Variants in TEKT1 observed in about 807,000 individuals in gnomAD.
TEKT1 encodes tektin-1.
In TEKT1, 32 loss-of-function variants were observed where a neutral mutation model predicts 34.8. The observed-to-expected ratio is 0.92, with a 90% CI of 0.69 to 1.23. TEKT1 has a LOEUF of 1.23. TEKT1 is among the 50% of genes most tolerant of loss of function. The pLI is 0.00. For missense variants in TEKT1, 492 were observed against 518.5 expected (o/e 0.95, Z 0.50); for synonymous variants, 207 against 199.8 (o/e 1.04, Z -0.30).
At chr17:6,807,120 T>G (rs1976855749) in intron 6 of TEKT1, among the ~76,000 whole-genome samples, 1 of 152,246 alleles carries the variant, frequency 6.6e-6, no homozygotes, top group Admixed American at 6.5e-5. Flanking sequence ...AGATGTAGAT[T>G]TGGTCTTTTC....
chr17:6,805,334 T>C (rs1425608992), intron 6 of TEKT1, among the ~76,000 whole-genome samples: 1 of 152,104 alleles, frequency 6.6e-6, no homozygotes, highest in East Asian at 1.9e-4. Context: ...TTTTTATTGC[T>C]TCTATTTGAT....
At chr17:6,806,837 G>A (rs1976851493) in intron 6 of TEKT1, among the ~76,000 whole-genome samples, 1 of 152,178 alleles carries the variant, frequency 6.6e-6, no homozygotes, top group Non-Finnish European at 1.5e-5. Context: ...TGAGAGATCA[G>A]CTGTTAGTCT....
intron 3 of TEKT1, among the ~76,000 whole-genome samples, chr17:6,816,645 G>A (rs982331105): frequency 3.9e-5 from 6 of 152,098 alleles, no homozygotes; most frequent in Admixed American, 1.3e-4. Flanking sequence ...TGGACATTTG[G>A]GTTGGTTCCA....
intron 2 of TEKT1, among the ~76,000 whole-genome samples, chr17:6,820,280 C>T (rs1364878237): frequency 6.6e-6 from 1 of 151,832 alleles, no homozygotes; most frequent in Non-Finnish European, 1.5e-5. Context: ...GTTAAAATGG[C>T]ATTTTTGCTT....
chr17:6,819,221 G>T lies in TEKT1; in HGVS notation c.328C>A (p.His110Asn). The stretch of plus-strand genomic sequence containing the variant: ...TATGCCAGGCATGTCTCAGTGATGT[G>T]CAAGGGCTCTTTCAAGGTCTCCAGG... Reference protein sequence around the residue: ...KALETLKEPLHITETCLAYRE... With the variant: ...KALETLKEPLNITETCLAYRE... The change falls in exon 3 of 8, where the codon CAC (histidine) becomes AAC (asparagine). Residue 110 changes from histidine to asparagine, a missense_variant. Transcript: ENST00000338694. 2 of 1,613,850 alleles carry T rather than the reference G, an allele frequency of 1.2e-6. No individual in the cohort carries two copies. The highest frequency in any genetic ancestry group is 1.7e-6 in the Non-Finnish European group (2 of 1,179,890).
At chr17:6,812,090 G>A (rs1186473271) in intron 6 of TEKT1, among the ~76,000 whole-genome samples, 1 of 152,068 alleles carries the variant, frequency 6.6e-6, no homozygotes, top group East Asian at 1.9e-4. Flanking sequence ...TCTCATGATA[G>A]TGAGAGAGTT....
In TEKT1 at chr17:6,830,399, C is replaced by G. The variant is rs1252317397; in HGVS notation, c.-17-6G>C. ...CATTTGAGGTTTCCAAATTCCTGAT[C>G]AAAAGCAGACTCTTTTAGATTAAAT... On this transcript the variant is annotated splice_polypyrimidine_tract_variant and splice_region_variant and intron_variant, in intron 1 of 7. Transcript: ENST00000338694. The G allele has an allele frequency of 2.6e-6, 4 of 1,521,916 alleles. No individual in the cohort carries two copies. The East Asian group carries it at 9.3e-5, about 35-fold the overall frequency. 94.3% of individuals were successfully genotyped at this position (1,521,916 alleles called of 1,614,324 possible).
intron 6 of TEKT1, among the ~76,000 whole-genome samples, chr17:6,809,018 G>A (rs780755566): frequency 9.2e-5 from 14 of 152,130 alleles, no homozygotes; most frequent in East Asian, 5.8e-4. Context: ...CTTTAGAGCT[G>A]TTTTAAGTTT....
At chr17:6,804,108 CATTT>C (rs1323873757) in intron 6 of TEKT1, among the ~76,000 whole-genome samples, 1 of 152,074 alleles carries the variant, frequency 6.6e-6, no homozygotes, top group East Asian at 1.9e-4. Flanking sequence ...AATGTTCTTC[CATTT>C]GTTTGTATCC....
chr17:6,804,174 A>C (rs1976815181), intron 6 of TEKT1, among the ~76,000 whole-genome samples: 1 of 152,048 alleles, frequency 6.6e-6, no homozygotes, highest in East Asian at 1.9e-4. Context: ...GAGGTCCTTC[A>C]CATCCCTTGT....
chr17:6,815,253 A>G lies in TEKT1; in HGVS notation c.539T>C (p.Val180Ala). Reference sequence around the variant, plus strand: ...GCAGATATCATCTATGGTCAGGGCCACAAACTTGTCCTTCAAATCCTTCTC... The same window carrying G: ...GCAGATATCATCTATGGTCAGGGCCGCAAACTTGTCCTTCAAATCCTTCTC... The part of the protein sequence containing the change: ...NLEKDLKDKF[V>A]ALTIDDICFS... The change falls in exon 5 of 8, where the codon GTG becomes GCG. Residue 180 changes from valine (V) to alanine (A), a missense_variant. Transcript: ENST00000338694. 1 of 1,614,254 alleles carries G rather than the reference A, an allele frequency of 6.2e-7. No individual in the cohort carries two copies. The highest frequency in any genetic ancestry group is 8.5e-7 in the Non-Finnish European group (1 of 1,180,046).
intron 2 of TEKT1, among the ~76,000 whole-genome samples, chr17:6,825,282 G>T (rs1199855632): frequency 6.6e-6 from 1 of 152,132 alleles, no homozygotes; most frequent in African/African-American, 2.4e-5. Flanking sequence ...AGTAGTCATT[G>T]GATGTGACCA....
chr17:6,802,979 T>G (rs1237001538), intron 6 of TEKT1, among the ~76,000 whole-genome samples: 2 of 152,142 alleles, frequency 1.3e-5, no homozygotes, highest in Non-Finnish European at 2.9e-5. Flanking sequence ...TACCCAGTAA[T>G]GGGATGGCTG....
intron 3 of TEKT1, among the ~76,000 whole-genome samples, chr17:6,817,924 T>A (rs889262026): frequency 4.6e-5 from 7 of 152,204 alleles, no homozygotes; most frequent in African/African-American, 1.7e-4. Context: ...CAACTGGGTG[T>A]TGAGCTCTTT....
At chr17:6,812,007 G>A (rs892837948) in intron 6 of TEKT1, among the ~76,000 whole-genome samples, 1 of 152,066 alleles carries the variant, frequency 6.6e-6, no homozygotes, top group South Asian at 2.1e-4. Context: ...ATCTTGCATT[G>A]TAATCCCCAC....
rs1976732633 is a variant in TEKT1 at position 6,799,142 on chromosome 17, C to G, written c.*885G>C. 6.6e-6 allele frequency: 1 copy of G among 152,108 alleles called. No individual in the cohort carries two copies. 9.4% of individuals were successfully genotyped at this position (152,108 alleles called of 1,614,324 possible). On this transcript the variant is annotated 3_prime_UTR_variant, in exon 8 of 8. Coordinates refer to ENST00000338694, the MANE Select transcript of TEKT1 (RefSeq NM_053285.2). ...AGATCTCTGACCTGCTGCAGCTCAG[C>G]GGAAGGCAGCCTCCCACAAGTTGAA...
chr17:6,818,183 C>A (rs1038477645), intron 3 of TEKT1, among the ~76,000 whole-genome samples: 1 of 152,134 alleles, frequency 6.6e-6, no homozygotes, highest in Non-Finnish European at 1.5e-5. Context: ...GTTTGCTAAG[C>A]TAAGAAGCTT....
rs2151580628 is a variant in TEKT1, at chr17:6,800,878, T to C, written c.918A>G (p.Gln306=). ...ITALEKAILD[Q]EGPAKVAHTR... is the part of the protein sequence containing the mutation. ...TATGAGCCACCTTGGCTGGCCCTTC[T>C]TGGTCAAGGATGGCCTTTTCAAGAG... Residue 306 remains glutamine, a synonymous_variant, in exon 7 of 8, where the codon CAA becomes CAG. Transcript: ENST00000338694. 4 of 1,614,036 alleles carry C rather than the reference T, an allele frequency of 2.5e-6. No individual in the cohort carries two copies. The East Asian group carries it at 6.7e-5, about 27-fold the overall frequency.
At position 6,799,658 on chromosome 17, in the gene TEKT1, G is replaced by C; in HGVS notation, c.*369C>G. ...TTTCTAGAGAAAAGAAATTTTGAGA[G>C]CCAAGAGAAAGGTTAGCATCCCATC... On this transcript the variant is annotated 3_prime_UTR_variant, in exon 8 of 8. Transcript: ENST00000338694. 1 of 169,178 alleles carries C rather than the reference G, an allele frequency of 5.9e-6. No homozygotes were observed. The highest frequency in any genetic ancestry group is 2.4e-5 in the African/African-American group (1 of 42,342). The allele number at this position is 169,178 out of a possible 1,614,324, so 10.5% of individuals were successfully genotyped here.
Sources: allele counts gnomAD v4.1 joint callset (sites outside exome capture counted in the v4.1 genomes callset), GRCh38; gene constraint gnomAD v4.1.1; transcripts MANE v1.5; gene names NCBI Gene and HGNC (gene_info 2026-07-23, HGNC 2026-07-21).